Variants in CDRT4 observed in about 807,000 individuals in gnomAD.
The protein encoded by CDRT4 is CMT1A duplicated region transcript 4 protein.
For synonymous variants in CDRT4, 64 were observed against 69.6 expected, an observed-to-expected ratio of 0.92 and a Z score of 0.40; for missense variants, 167 against 193.1, an observed-to-expected ratio of 0.87 and a Z score of 0.80.
chr17:15,456,228 T>C (rs117763444), intron 1 of CDRT4, among the ~76,000 whole-genome samples: 1,644 of 152,250 alleles, frequency 0.011, 15 homozygotes, highest in Non-Finnish European at 0.018. Flanking sequence ...AAAGCAGATT[T>C]TGACAAGGTC....
intron 2 of CDRT4, among the ~76,000 whole-genome samples, chr17:15,445,947 A>G (rs1183669318): frequency 6.6e-6 from 1 of 151,796 alleles, no homozygotes; most frequent in African/African-American, 2.4e-5. Context: ...ATCCTCTTTG[A>G]CCTTCCATCT....
chr17:15,444,437 G>A (rs1978922617), intron 2 of CDRT4, among the ~76,000 whole-genome samples: 1 of 152,150 alleles, frequency 6.6e-6, no homozygotes, highest in Non-Finnish European at 1.5e-5. Flanking sequence ...ATGCAGTACA[G>A]GCACTGGAAT....
Position 15,437,946 on chromosome 17 carries a change from C to T in CDRT4, c.286G>A (p.Glu96Lys), listed in dbSNP as rs1459858009. The change falls in exon 4 of 4, where the codon GAA (glutamate) becomes AAA (lysine). Residue 96 changes from glutamate to lysine, a missense_variant. Physicochemically the swap from Glu to Lys is moderately conservative, Grantham distance 56 (BLOSUM62 1). Transcript: ENST00000619038. ...GCGCCCCACATTGATAACGTGGATTCTGACAGCGTGTCCCTGAACACAGCT... is the reference window on the plus strand; with the variant it reads ...GCGCCCCACATTGATAACGTGGATTTTGACAGCGTGTCCCTGAACACAGCT... ...GKAVFRDTLS[E>K]STLSMWGAYS... The T allele has an allele frequency of 1.2e-6, 2 of 1,614,066 alleles. No homozygotes were observed. Among genetic ancestry groups the T allele is most frequent in the Non-Finnish European group, 1.7e-6 (2 of 1,180,040 alleles).
chr17:15,446,608 T>C (rs1871567837), intron 2 of CDRT4, among the ~76,000 whole-genome samples: 1 of 152,152 alleles, frequency 6.6e-6, no homozygotes, highest in African/African-American at 2.4e-5. Context: ...TACCGCACTA[T>C]CTTTAAAAAG....
In CDRT4 at chr17:15,436,296, T is replaced by A. The variant is rs1311703121; in HGVS notation, c.*1477A>T. 2 of 152,210 alleles carry A rather than the reference T, an allele frequency of 1.3e-5. No homozygotes were observed. Among genetic ancestry groups the A allele is most frequent in the Non-Finnish European group, 2.9e-5 (2 of 68,028 alleles). 9.4% of individuals were successfully genotyped at this position (152,210 alleles called of 1,614,324 possible). A position where few individuals can be genotyped will look rare whatever the true frequency, so the allele number is the denominator to read the frequency against. ...GGAGAACATGCCTTGTAGGGCAAAT[T>A]CAACTTTTCCAAATGACACTGCTAT... On this transcript the variant is annotated 3_prime_UTR_variant, in exon 4 of 4. Transcript: ENST00000619038.
chr17:15,439,579 G>A (rs79964848), intron 3 of CDRT4, among the ~76,000 whole-genome samples: 2 of 152,304 alleles, frequency 1.3e-5, no homozygotes, highest in East Asian at 1.9e-4. Context: ...AACGCCTGGA[G>A]CAAAATGAGC....
chr17:15,437,572 G>T lies in CDRT4; in HGVS notation c.*201C>A. On this transcript the variant is annotated 3_prime_UTR_variant, in exon 4 of 4. Transcript: ENST00000619038. ...GCCCAAACCCACCAGAGAGCAGTGTGGGAGGGGACACACTCACCCACCCAC... is the reference window on the plus strand; with the variant it reads ...GCCCAAACCCACCAGAGAGCAGTGTTGGAGGGGACACACTCACCCACCCAC... 1.6e-6 allele frequency: 1 copy of T among 608,456 alleles called. No homozygotes were observed. The highest frequency in any genetic ancestry group is 2.9e-6 in the Non-Finnish European group (1 of 346,978). The allele number at this position is 608,456 out of a possible 1,614,324, so 37.7% of individuals were successfully genotyped here.
chr17:15,439,986 G>A (rs1322027126), intron 3 of CDRT4, among the ~76,000 whole-genome samples: 1 of 151,986 alleles, frequency 6.6e-6, no homozygotes, highest in African/African-American at 2.4e-5. Flanking sequence ...TATACCTAAT[G>A]TAAATGATGA....
rs1255663775 is a variant in CDRT4 at position 15,464,914 on chromosome 17, G to A, written c.-130+2546C>T. Among the ~76,000 whole-genome samples, 13 of 152,134 alleles carry A rather than the reference G, an allele frequency of 8.5e-5. No individual in the cohort carries two copies. The East Asian group carries it at 2.3e-3, about 27-fold the overall frequency. ...GGCACAGACATCAAGCAGGGTTCAA[G>A]AAAGTGCAAGTGGGTGCAACACACA... On this transcript the variant is annotated intron_variant, in intron 1 of 3. Transcript: ENST00000619038. This position sits in a 1 kb window ranked among gnomAD's most constrained non-coding sequence, Gnocchi z 4.5.
chr17:15,440,374 T>C (rs1597455855), intron 2 of CDRT4, 89 bp from the exon 3 acceptor site: 1 of 1,413,924 alleles, frequency 7.1e-7, no homozygotes, highest in Non-Finnish European at 9.7e-7. Flanking sequence ...CTAAGTCCTA[T>C]ATGGTCACTG....
rs115597790 is a variant in CDRT4, at chr17:15,445,203, C to G, written c.-47-4918G>C. ...ATCTAGTGTTTCCTAAACTGTGTCC[C>G]ACAGAATGCAAGAATCTCTCCTCAA... On this transcript the variant is annotated intron_variant, in intron 2 of 3. Coordinates refer to ENST00000619038, the MANE Select transcript of CDRT4 (RefSeq NM_001204477.2). Among the ~76,000 whole-genome samples the G allele has an allele frequency of 4.9e-3, 752 of 152,196 alleles. 9 individuals carry two copies. The highest frequency in any genetic ancestry group is 0.017 in the African/African-American group (702 of 41,500).
intron 2 of CDRT4, among the ~76,000 whole-genome samples, chr17:15,448,984 C>G (rs1373752745): frequency 6.6e-6 from 1 of 152,228 alleles, no homozygotes; most frequent in Non-Finnish European, 1.5e-5. Flanking sequence ...ACCCGTGCCT[C>G]TGTGATCAGG....
intron 2 of CDRT4, among the ~76,000 whole-genome samples, chr17:15,440,817 G>C (rs1186040974): frequency 6.6e-6 from 1 of 152,186 alleles, no homozygotes; most frequent in African/African-American, 2.4e-5. Context: ...AACCATGCAG[G>C]GGGGAAATCT....
chr17:15,443,485 G>A (rs1023550211), intron 2 of CDRT4, among the ~76,000 whole-genome samples: 1 of 144,124 alleles, frequency 6.9e-6, no homozygotes. Context: ...CAGGGGTCTC[G>A]CTATTTTGCC....
At chr17:15,443,282 CTTT>C (rs34600279) in intron 2 of CDRT4, among the ~76,000 whole-genome samples, 4 of 141,138 alleles carry the variant, frequency 2.8e-5, no homozygotes, top group Non-Finnish European at 3.1e-5. Context: ...TTTTTTCTTT[CTTT>C]TTTTTTTTTT....
chr17:15,466,050 G>T (rs1261334175), intron 1 of CDRT4, among the ~76,000 whole-genome samples: 1 of 149,978 alleles, frequency 6.7e-6, no homozygotes, highest in Non-Finnish European at 1.5e-5. Flanking sequence ...GGAGGGAGAG[G>T]GAGGGAAAGG....
chr17:15,454,866 C>T (rs1200110195), intron 1 of CDRT4, among the ~76,000 whole-genome samples: 2 of 152,152 alleles, frequency 1.3e-5, no homozygotes, highest in African/African-American at 4.8e-5. Flanking sequence ...AAACATCCTG[C>T]CCCATAGTAT....
chr17:15,464,308 G>C lies in CDRT4; in HGVS notation c.-130+3152C>G, dbSNP rs1979895032. On this transcript the variant is annotated intron_variant, in intron 1 of 3. Transcript: ENST00000619038. This position sits in a 1 kb window ranked among gnomAD's most constrained non-coding sequence, Gnocchi z 4.5. ...TGCATCCATACTCCAAATAGACCTT[G>C]AGCCCGTCAAAGGCAGAGACCAGCA... 6.6e-6 allele frequency among the ~76,000 whole-genome samples: 1 copy of C among 152,136 alleles called. No homozygotes were observed. Among genetic ancestry groups the C allele is most frequent in the Non-Finnish European group, 1.5e-5 (1 of 68,034 alleles).
At chr17:15,440,165 G>A in intron 3 of CDRT4, 43 bp downstream of exon 3, 1 of 1,605,234 alleles carries the variant, frequency 6.2e-7, no homozygotes, top group Non-Finnish European at 8.5e-7. Flanking sequence ...ACCCTAGACG[G>A]CCCCAGTGCA....
Sources: gnomAD v4.1 joint callset for allele counts (sites outside exome capture counted in the v4.1 genomes callset) on GRCh38, gnomAD v4.1.1 for gene constraint, Gnocchi (gnomAD v3.1) non-coding constraint, MANE v1.5 for transcripts, NCBI Gene and HGNC (gene_info 2026-07-23, HGNC 2026-07-21) for gene names.